The following BABAM2 variants were observed in gnomAD, a reference collection of about 807,000 sequenced individuals.
BABAM2 encodes the protein BRISC and BRCA1 A complex member 2, also known as BRISC and BRCA1-A complex member 2.
Under a neutral mutation model 54.7 loss-of-function variants are expected in BABAM2, and 31 were observed. The observed-to-expected ratio is 0.57, with a 90% CI of 0.43 to 0.77. BABAM2 has a LOEUF of 0.77. BABAM2 is among the 30% of genes least tolerant of loss of function. BABAM2 has a pLI of 0.00. For missense variants in BABAM2, 364 were observed against 455.8 expected (o/e 0.80, Z 1.83); for synonymous variants, 167 against 162.9 (o/e 1.03, Z -0.19).
rs1049541057 is a variant in BABAM2 at position 28,325,368 on chromosome 2, T to G, written c.1089-13082T>G. Among the ~76,000 whole-genome samples, 1 of 152,128 alleles carries G rather than the reference T, an allele frequency of 6.6e-6. No homozygotes were observed. Among genetic ancestry groups the G allele is most frequent in the Non-Finnish European group, 1.5e-5 (1 of 68,016 alleles). ...TCCTCCTGTGCTTGCCCCCAGCCTC[T>G]CTACTGCATGATTACAGAAGACTTG... On this transcript the variant is annotated intron_variant, in intron 11 of 11. Transcript: ENST00000379624. The surrounding 1 kb of genome is among the most constrained non-coding windows in gnomAD (Gnocchi z 4.3).
intron 11 of BABAM2, among the ~76,000 whole-genome samples, chr2:28,334,780 T>C (rs906021911): frequency 6.6e-5 from 10 of 152,160 alleles, no homozygotes; most frequent in Admixed American, 2.0e-4. Flanking sequence ...CACTGTCCCA[T>C]GCGAGTGTGG....
chr2:27,930,074 G>A (rs1667982905), intron 3 of BABAM2, 166 bp downstream of exon 3: 1 of 620,214 alleles, frequency 1.6e-6, no homozygotes, highest in African/African-American at 1.9e-5. Context: ...TTGATTAAAA[G>A]TAAGGCAGTT....
intron 6 of BABAM2, among the ~76,000 whole-genome samples, chr2:28,123,267 G>C (rs1669228364): frequency 6.6e-6 from 1 of 152,124 alleles, no homozygotes; most frequent in South Asian, 2.1e-4. Flanking sequence ...CTTTAATCAA[G>C]GGCTGAGCCA....
At chr2:28,156,350 A>T (rs528000191) in intron 7 of BABAM2, among the ~76,000 whole-genome samples, 1 of 152,272 alleles carries the variant, frequency 6.6e-6, no homozygotes, top group Non-Finnish European at 1.5e-5. Flanking sequence ...ATTTAAATTA[A>T]TTGTCTGCCT....
intron 7 of BABAM2, among the ~76,000 whole-genome samples, chr2:28,181,792 TTTAA>T (rs1225032417): frequency 6.7e-6 from 1 of 149,410 alleles, no homozygotes; most frequent in Non-Finnish European, 1.5e-5. Flanking sequence ...AAATTTTTTT[TTTAA>T]AAAAAAAAGA....
intron 6 of BABAM2, among the ~76,000 whole-genome samples, chr2:28,080,789 A>G (rs139548381): frequency 0.012 from 1,832 of 152,306 alleles, 38 homozygotes; most frequent in African/African-American, 0.042. Context: ...TCCCTATTTG[A>G]TTAATCCGTG....
rs1688391359 is a variant in BABAM2, at chr2:28,304,883, G to T, written c.1088+6392G>T. On this transcript the variant is annotated intron_variant, in intron 11 of 11. Transcript: ENST00000379624. This position sits in a 1 kb window ranked among gnomAD's most constrained non-coding sequence, Gnocchi z 4.0. ...AGGCATGACGGGATTTCACCATGTG[G>T]CCCAGGCTGGTCTTGAACTCCTGAG... is the stretch of plus-strand genomic sequence containing the variant. Among the ~76,000 whole-genome samples, 1 of 149,594 alleles carries T rather than the reference G, an allele frequency of 6.7e-6. No homozygotes were observed. The highest frequency in any genetic ancestry group is 1.5e-5 in the Non-Finnish European group (1 of 66,172).
chr2:27,948,282 T>TA (rs773353196), intron 3 of BABAM2, among the ~76,000 whole-genome samples: 41 of 152,154 alleles, frequency 2.7e-4, no homozygotes, highest in East Asian at 1.9e-4. Context: ...TTTTTTTTTT[T>TA]ATCTATTGAT....
chr2:28,330,371 A>C (rs1417316082), intron 11 of BABAM2, among the ~76,000 whole-genome samples: 1 of 152,234 alleles, frequency 6.6e-6, no homozygotes, highest in Non-Finnish European at 1.5e-5. Context: ...GGTATTCAAT[A>C]GGAAGAGAGT....
chr2:28,179,942 A>G (rs1447697748), intron 7 of BABAM2, among the ~76,000 whole-genome samples: 1 of 152,196 alleles, frequency 6.6e-6, no homozygotes, highest in Non-Finnish European at 1.5e-5. Flanking sequence ...GAAAACTACA[A>G]AACATTGATG....
At chr2:27,984,107 C>G (rs1015768210) in intron 3 of BABAM2, among the ~76,000 whole-genome samples, 1 of 151,472 alleles carries the variant, frequency 6.6e-6, no homozygotes, top group Non-Finnish European at 1.5e-5. Flanking sequence ...GAAAATGCAG[C>G]CATTCTTCTA....
intron 10 of BABAM2, among the ~76,000 whole-genome samples, chr2:28,273,655 G>T (rs565797694): frequency 1.3e-5 from 2 of 152,222 alleles, no homozygotes; most frequent in Non-Finnish European, 2.9e-5. Context: ...GGAGGCAGAG[G>T]TTGCAGTGAG....
intron 7 of BABAM2, among the ~76,000 whole-genome samples, chr2:28,180,641 T>G (rs1675520501): frequency 6.6e-6 from 1 of 152,112 alleles, no homozygotes; most frequent in Non-Finnish European, 1.5e-5. Flanking sequence ...AAAAAGCTTC[T>G]GCACAACAAA....
intron 4 of BABAM2, among the ~76,000 whole-genome samples, chr2:27,990,859 A>G (rs557220475): frequency 2.5e-4 from 36 of 143,840 alleles, no homozygotes; most frequent in African/African-American, 7.3e-4. Flanking sequence ...GTTTCTGGGG[A>G]AAAAAAAAGG....
intron 6 of BABAM2, among the ~76,000 whole-genome samples, chr2:28,062,957 G>A (rs1679024707): frequency 1.3e-5 from 2 of 152,242 alleles, no homozygotes; most frequent in African/African-American, 2.4e-5. Flanking sequence ...GTGGATGTAT[G>A]TTGTTTTGTC....
At chr2:28,331,598 A>G (rs1328036070) in intron 11 of BABAM2, among the ~76,000 whole-genome samples, 1 of 152,256 alleles carries the variant, frequency 6.6e-6, no homozygotes, top group African/African-American at 2.4e-5. Context: ...GAGAAAACCC[A>G]AATCAAAACC....
intron 3 of BABAM2, among the ~76,000 whole-genome samples, chr2:27,938,189 G>A (rs1261418953): frequency 2.6e-5 from 4 of 152,124 alleles, no homozygotes; most frequent in African/African-American, 9.7e-5. Flanking sequence ...GATCAGTAAG[G>A]TCATAGTGTT....
At chr2:28,009,448 A>C (rs575392167) in intron 4 of BABAM2, among the ~76,000 whole-genome samples, 2 of 152,268 alleles carry the variant, frequency 1.3e-5, no homozygotes, top group South Asian at 4.1e-4. Flanking sequence ...TTTATTAATA[A>C]AAAGAAACCT....
At chr2:28,211,861 A>C (rs1250148463) in intron 7 of BABAM2, among the ~76,000 whole-genome samples, 2 of 152,176 alleles carry the variant, frequency 1.3e-5, no homozygotes, top group Non-Finnish European at 2.9e-5. Context: ...AATTACCAGT[A>C]ATTCTTTACT....
Sources: allele counts gnomAD v4.1 joint callset (sites outside exome capture counted in the v4.1 genomes callset), GRCh38; gene constraint gnomAD v4.1.1; non-coding constraint Gnocchi (gnomAD v3.1); transcripts MANE v1.5; gene names NCBI Gene and HGNC (gene_info 2026-07-23, HGNC 2026-07-21).